Variants in SP140L observed in about 807,000 individuals in gnomAD.
SP140L encodes SP140 like nuclear body protein, also known as nuclear body protein SP140-like protein.
Under a neutral mutation model 84.3 loss-of-function variants are expected in SP140L, and 64 were observed. That is an observed-to-expected ratio of 0.76 (90% CI 0.62 to 0.94). SP140L has a LOEUF of 0.94. Among genes scored for constraint, SP140L ranks in the 40% least tolerant of loss-of-function variants. SP140L has a pLI of 0.00. For synonymous variants in SP140L, 242 were observed against 236.9 expected, an observed-to-expected ratio of 1.02 and a Z score of -0.20; for missense variants, 628 against 692.5, an observed-to-expected ratio of 0.91 and a Z score of 1.05.
intron 2 of SP140L, among the ~76,000 whole-genome samples, chr2:230,354,932 G>GA (rs1276100062): frequency 2.0e-5 from 3 of 149,656 alleles, no homozygotes; most frequent in East Asian, 4.0e-4. Flanking sequence ...AAAGAAAAAA[G>GA]AAAAAGAAAA....
chr2:230,376,486 A>C (rs2061244230), intron 7 of SP140L, among the ~76,000 whole-genome samples: 1 of 152,348 alleles, frequency 6.6e-6, no homozygotes, highest in African/African-American at 2.4e-5. Context: ...CATTTACAAT[A>C]GCAACAAAAA....
chr2:230,393,536 G>A, intron 13 of SP140L, 75 bp downstream of exon 13: 1 of 1,435,030 alleles, frequency 7.0e-7, no homozygotes, highest in Non-Finnish European at 9.1e-7. Flanking sequence ...ATTTTATGGA[G>A]TCTCCAATTG....
chr2:230,371,428 T>C (rs2149766435), intron 6 of SP140L, among the ~76,000 whole-genome samples, 170 bp from the exon 7 acceptor site: 1 of 152,338 alleles, frequency 6.6e-6, no homozygotes, highest in Middle Eastern at 3.4e-3. Flanking sequence ...GGGCCCATCC[T>C]AGACTCCTAG....
chr2:230,364,001 T>A (rs2060798395), intron 5 of SP140L, among the ~76,000 whole-genome samples: 2 of 152,154 alleles, frequency 1.3e-5, no homozygotes, highest in African/African-American at 4.8e-5. Context: ...TCAAGCTCTC[T>A]ATTTTGTTCC....
intron 5 of SP140L, among the ~76,000 whole-genome samples, chr2:230,365,485 G>C (rs150865489): frequency 6.6e-6 from 1 of 151,584 alleles, no homozygotes; most frequent in Non-Finnish European, 1.5e-5. Flanking sequence ...GAGTTACAGC[G>C]TCTTCTCTTT....
intron 2 of SP140L, among the ~76,000 whole-genome samples, chr2:230,349,837 C>T (rs565135592): frequency 2.0e-5 from 3 of 152,070 alleles, no homozygotes; most frequent in South Asian, 2.1e-4. Context: ...GGCAAAACCC[C>T]GTCTCTACTA....
intron 7 of SP140L, among the ~76,000 whole-genome samples, chr2:230,378,745 G>GA (rs1186734425): frequency 3.3e-5 from 5 of 152,194 alleles, no homozygotes; most frequent in Non-Finnish European, 7.3e-5. Flanking sequence ...TGCCACTTGA[G>GA]AATAATGTAC....
chr2:230,355,085 A>T (rs140361483), intron 2 of SP140L, among the ~76,000 whole-genome samples: 92 of 152,236 alleles, frequency 6.0e-4, no homozygotes, highest in Non-Finnish European at 9.7e-4. Flanking sequence ...TCTCTTCAAC[A>T]TCGTATTTAA....
At chr2:230,399,932 C>T (rs1465742549) in intron 14 of SP140L, 195 bp from the exon 15 acceptor site, 2 of 513,676 alleles carry the variant, frequency 3.9e-6, no homozygotes. Flanking sequence ...GACATATACC[C>T]CTTCCTCCTG....
At chr2:230,393,543 A>G in intron 13 of SP140L, 82 bp downstream of exon 13, 2 of 1,420,990 alleles carry the variant, frequency 1.4e-6, no homozygotes, top group East Asian at 5.5e-5. Context: ...GGAGTCTCCA[A>G]TTGGGTAACT....
chr2:230,342,704 A>G (rs2060092258), intron 2 of SP140L, among the ~76,000 whole-genome samples: 1 of 152,188 alleles, frequency 6.6e-6, no homozygotes, highest in Non-Finnish European at 1.5e-5. Flanking sequence ...TAGTAGCCTA[A>G]TGATTCTTTG....
chr2:230,376,501 A>T (rs559889754), intron 7 of SP140L, among the ~76,000 whole-genome samples: 3 of 152,326 alleles, frequency 2.0e-5, no homozygotes, highest in Non-Finnish European at 2.9e-5. Flanking sequence ...CAAAAAGAAT[A>T]AAATGGGAAC....
chr2:230,343,045 G>A (rs894364065), intron 2 of SP140L, among the ~76,000 whole-genome samples: 3 of 152,124 alleles, frequency 2.0e-5, no homozygotes, highest in African/African-American at 4.8e-5. Flanking sequence ...CATCCCATAA[G>A]TTTTGGTGTG....
intron 2 of SP140L, among the ~76,000 whole-genome samples, chr2:230,335,696 T>C (rs2059850667): frequency 1.3e-5 from 2 of 152,206 alleles, no homozygotes; most frequent in African/African-American, 4.8e-5. Context: ...TAATGTCAGA[T>C]GGGAGAGAAA....
intron 10 of SP140L, among the ~76,000 whole-genome samples, chr2:230,389,629 CAT>C (rs1302714258): frequency 6.6e-6 from 1 of 152,146 alleles, no homozygotes; most frequent in East Asian, 1.9e-4. Context: ...GTTTCATTGT[CAT>C]ATAAGAATCA....
chr2:230,332,078 T>C (rs535282467), intron 2 of SP140L, among the ~76,000 whole-genome samples: 24 of 152,222 alleles, frequency 1.6e-4, no homozygotes, highest in Non-Finnish European at 3.1e-4. Context: ...AACTTGAGAC[T>C]TTCTGACAGA....
At chr2:230,334,626 A>G (rs2059816412) in intron 2 of SP140L, among the ~76,000 whole-genome samples, 2 of 152,160 alleles carry the variant, frequency 1.3e-5, no homozygotes, top group Admixed American at 1.3e-4. Flanking sequence ...ATGTGTTTTT[A>G]AGCAACAGTT....
rs2059604325 is a variant in SP140L at position 230,327,271 on chromosome 2, TGGCAGGTGGGGGCAGCGACCTGAG to T, written c.3_26del (p.MetAlaGlyGlyGlySerAspLeuSer1_?9). ...CCAGGCAGGGCCTAGGGTGGGACGATGGCAGGTGGGGGCAGCGACCTGAGCACCAGGTGAGTCTTTATCTCTCTT... is the reference window on the plus strand; with the variant it reads ...CCAGGCAGGGCCTAGGGTGGGACGATCACCAGGTGAGTCTTTATCTCTCTT... On this transcript the variant is annotated start_lost and inframe_deletion, in exon 1 of 19. Coordinates refer to ENST00000415673, the MANE Select transcript of SP140L (RefSeq NM_138402.6). 6.2e-7 allele frequency: 1 copy of T among 1,611,318 alleles called. No homozygotes were observed. Among genetic ancestry groups the T allele is most frequent in the African/African-American group, 1.3e-5 (1 of 74,870 alleles).
At chr2:230,362,616 T>C (rs2060752544) in intron 5 of SP140L, among the ~76,000 whole-genome samples, 1 of 149,660 alleles carries the variant, frequency 6.7e-6, no homozygotes, top group Non-Finnish European at 1.5e-5. Context: ...CAGCTCACTT[T>C]GATTAAACGT....
Sources: gnomAD v4.1 joint callset for allele counts (sites outside exome capture counted in the v4.1 genomes callset) on GRCh38, gnomAD v4.1.1 for gene constraint, MANE v1.5 for transcripts, NCBI Gene and HGNC (gene_info 2026-07-23, HGNC 2026-07-21) for gene names.